The following SAXO1 variants were observed in gnomAD, a reference collection of about 807,000 sequenced individuals.
SAXO1 encodes 4930500O09Rik.
SAXO1 carries 21 observed loss-of-function variants against 17.5 expected under a neutral mutation model. The observed-to-expected ratio is 1.20, with a 90% confidence interval of 0.85 to 1.72. The LOEUF (loss-of-function observed/expected upper bound fraction) is 1.72, where lower values mean the gene tolerates loss of function less well. SAXO1 is among the 40% of genes most tolerant of loss of function. The pLI is 0.00. For synonymous variants in SAXO1, 274 were observed against 216.5 expected, an observed-to-expected ratio of 1.27 and a Z score of -2.33; for missense variants, 843 against 596.0, an observed-to-expected ratio of 1.41 and a Z score of -4.32.
At chr9:18,947,305 T>C (rs1421721186) in intron 2 of SAXO1, among the ~76,000 whole-genome samples, 1 of 152,176 alleles carries the variant, frequency 6.6e-6, no homozygotes, top group Non-Finnish European at 1.5e-5. Context: ...TTCCTGACCT[T>C]TGGGGAGGAT....
At chr9:19,005,452 T>C (rs898023819) in intron 1 of SAXO1, among the ~76,000 whole-genome samples, 2 of 152,154 alleles carry the variant, frequency 1.3e-5, no homozygotes, top group African/African-American at 2.4e-5. Flanking sequence ...TGGTATAGAA[T>C]AGAGCCCAGA....
At chr9:19,020,332 C>A (rs1275284519) in intron 1 of SAXO1, among the ~76,000 whole-genome samples, 1 of 147,766 alleles carries the variant, frequency 6.8e-6, no homozygotes, top group Admixed American at 7.0e-5. Flanking sequence ...AGCATTTCAG[C>A]CTGTCGAAAT....
rs551248182 is a variant in SAXO1 at position 18,966,744 on chromosome 9, C to T, written c.39-15807G>A. On this transcript the variant is annotated intron_variant, in intron 1 of 3. Transcript: ENST00000380534. ...TTCACCTTCTGAAGCCTACTTCTGT[C>T]AATTCGTCAAACTCATTCTCTGTCT... is the stretch of plus-strand genomic sequence containing the variant. Among the ~76,000 whole-genome samples, 193 of 152,284 alleles carry T rather than the reference C, an allele frequency of 1.3e-3. 1 individual carries two copies. The highest frequency in any genetic ancestry group is 3.8e-3 in the African/African-American group (157 of 41,566).
chr9:19,005,869 G>C (rs1003623197), intron 1 of SAXO1, among the ~76,000 whole-genome samples: 1 of 152,086 alleles, frequency 6.6e-6, no homozygotes, highest in Admixed American at 6.6e-5. Flanking sequence ...TCTGATAAGG[G>C]ATTAATATCC....
At chr9:19,022,417 C>A (rs1442945693) in intron 1 of SAXO1, among the ~76,000 whole-genome samples, 1 of 152,204 alleles carries the variant, frequency 6.6e-6, no homozygotes. Context: ...GCATGTTCTT[C>A]CCCTAATATT....
chr9:19,031,170 C>T (rs1293170538), intron 1 of SAXO1, among the ~76,000 whole-genome samples: 1 of 152,234 alleles, frequency 6.6e-6, no homozygotes, highest in African/African-American at 2.4e-5. Flanking sequence ...TGCCTTCCTA[C>T]CTAGACTGCA....
intron 1 of SAXO1, among the ~76,000 whole-genome samples, chr9:18,955,375 G>A (rs1411222347): frequency 2.6e-5 from 4 of 152,004 alleles, no homozygotes; most frequent in Non-Finnish European, 5.9e-5. Flanking sequence ...AGTGTGTCTT[G>A]TACATTTCCT....
chr9:18,989,793 C>T (rs1833740366), intron 1 of SAXO1, among the ~76,000 whole-genome samples: 1 of 152,110 alleles, frequency 6.6e-6, no homozygotes, highest in Admixed American at 6.6e-5. Context: ...TCATGGTGTA[C>T]AACTTGAGGG....
chr9:19,009,090 C>A (rs1834612105), intron 1 of SAXO1, among the ~76,000 whole-genome samples: 1 of 152,118 alleles, frequency 6.6e-6, no homozygotes, highest in South Asian at 2.1e-4. Context: ...TACCCCCACA[C>A]AGCAACAGCA....
At chr9:19,030,349 C>T (rs760388735) in intron 1 of SAXO1, among the ~76,000 whole-genome samples, 3 of 151,808 alleles carry the variant, frequency 2.0e-5, no homozygotes, top group East Asian at 1.9e-4. Context: ...AGGTTGTAAC[C>T]GGAATAAAAG....
chr9:18,949,074 T>G (rs183755438), intron 2 of SAXO1, among the ~76,000 whole-genome samples: 8 of 152,282 alleles, frequency 5.3e-5, no homozygotes, highest in Non-Finnish European at 8.8e-5. Context: ...GTCTTTAGAC[T>G]CTCAGAGACA....
At chr9:18,996,983 T>C (rs961924431) in intron 1 of SAXO1, among the ~76,000 whole-genome samples, 5 of 152,158 alleles carry the variant, frequency 3.3e-5, no homozygotes, top group African/African-American at 9.6e-5. Flanking sequence ...ACTTCCAAGA[T>C]GGCCGAATAG....
At chr9:19,010,910 T>C (rs574553837) in intron 1 of SAXO1, among the ~76,000 whole-genome samples, 7 of 152,300 alleles carry the variant, frequency 4.6e-5, no homozygotes, top group Admixed American at 4.6e-4. Flanking sequence ...AGGCTGTACA[T>C]TAAGTGCTTG....
chr9:18,936,792 A>G (rs1368680427), intron 3 of SAXO1, among the ~76,000 whole-genome samples: 4 of 152,202 alleles, frequency 2.6e-5, no homozygotes, highest in African/African-American at 9.6e-5. Flanking sequence ...GCATCAAGTA[A>G]TTACACTCTC....
chr9:19,019,425 G>C (rs988093532), intron 1 of SAXO1, among the ~76,000 whole-genome samples: 1 of 151,992 alleles, frequency 6.6e-6, no homozygotes, highest in Non-Finnish European at 1.5e-5. Flanking sequence ...CCCAACACAA[G>C]AGTCAGAAAA....
intron 1 of SAXO1, among the ~76,000 whole-genome samples, chr9:19,020,269 C>T (rs1287339030): frequency 6.6e-6 from 1 of 152,108 alleles, no homozygotes; most frequent in African/African-American, 2.4e-5. Flanking sequence ...TTTTTCATCC[C>T]AAATGTAAAA....
intron 1 of SAXO1, among the ~76,000 whole-genome samples, chr9:19,011,436 G>A (rs976485926): frequency 3.3e-5 from 5 of 152,142 alleles, no homozygotes; most frequent in East Asian, 1.9e-4. Context: ...AGACACGCCC[G>A]ATGCACATGC....
At chr9:18,959,173 C>G (rs1407246754) in intron 1 of SAXO1, among the ~76,000 whole-genome samples, 1 of 152,094 alleles carries the variant, frequency 6.6e-6, no homozygotes, top group Non-Finnish European at 1.5e-5. Flanking sequence ...GTGAAAGCAG[C>G]AAGAAATTAC....
At chr9:18,960,219 TGGGACGCGTG>T (rs1832429172) in intron 1 of SAXO1, among the ~76,000 whole-genome samples, 2 of 152,320 alleles carry the variant, frequency 1.3e-5, no homozygotes, top group South Asian at 4.1e-4. Context: ...AAGCCATCCC[TGGGACGCGTG>T]GGGTAGGATT....
Sources: gnomAD v4.1 joint callset for allele counts (sites outside exome capture counted in the v4.1 genomes callset) on GRCh38, gnomAD v4.1.1 for gene constraint, MANE v1.5 for transcripts, NCBI Gene and HGNC (gene_info 2026-07-23, HGNC 2026-07-21) for gene names.